Variants in MAP2K1 observed in about 807,000 individuals in gnomAD.
MAP2K1 encodes dual specificity mitogen-activated protein kinase kinase 1.
In MAP2K1, 16 loss-of-function variants were observed where a neutral mutation model predicts 46.3. That is an observed-to-expected ratio of 0.35 (90% CI 0.23 to 0.52). The LOEUF (loss-of-function observed/expected upper bound fraction) is 0.52. Among genes scored for constraint, MAP2K1 ranks in the 20% least tolerant of loss-of-function variants. MAP2K1 has a pLI of 0.94. For missense variants in MAP2K1, 263 were observed against 497.1 expected, an observed-to-expected ratio of 0.53 and a Z score of 4.48; for synonymous variants, 183 against 185.6, an observed-to-expected ratio of 0.99 and a Z score of 0.11.
At position 66,428,271 on chromosome 15, in the gene MAP2K1, C is replaced by CGTGTGT. The variant is rs67373670; in HGVS notation, c.81-6707_81-6702dup. Among the ~76,000 whole-genome samples, 714 of 122,358 alleles carry CGTGTGT rather than the reference C, an allele frequency of 5.8e-3. 9 individuals carry two copies. The highest frequency in any genetic ancestry group is 6.2e-3 in the Non-Finnish European group (366 of 59,072). The allele number at this position is 122,358 out of a possible 152,430, so 80.3% of individuals were successfully genotyped here. A position where few individuals can be genotyped will look rare whatever the true frequency, so the allele number is the denominator to read the frequency against. ...AGAAACAGAACCAACAGCAGTTGTG[C>CGTGTGT]GTGTGTGTGTGTGTGTGTGTGTGTG... On this transcript the variant is annotated intron_variant, in intron 1 of 10. Coordinates refer to ENST00000307102, the MANE Select transcript of MAP2K1 (RefSeq NM_002755.4).
chr15:66,481,922 A>G (rs978854106), intron 6 of MAP2K1, 43 bp downstream of exon 6: 6 of 1,603,452 alleles, frequency 3.7e-6, no homozygotes, highest in Non-Finnish European at 1.7e-6. Context: ...TTGTACGGTC[A>G]GGGAGAGGAG....
intron 1 of MAP2K1, among the ~76,000 whole-genome samples, chr15:66,430,499 ATATCACCCCCCTACCTCC>A (rs1285785994): frequency 1.3e-5 from 2 of 151,940 alleles, no homozygotes; most frequent in South Asian, 2.1e-4. Flanking sequence ...CTTTTTCTGG[ATATCACCCCCCTACCTCC>A]TCCTGTCATT....
intron 5 of MAP2K1, among the ~76,000 whole-genome samples, chr15:66,462,635 T>C (rs1027098343): frequency 6.6e-6 from 1 of 150,924 alleles, no homozygotes; most frequent in East Asian, 1.9e-4. Context: ...GAAAATAGCA[T>C]ATGTACTGAC....
At chr15:66,468,119 T>C (rs1285296533) in intron 5 of MAP2K1, among the ~76,000 whole-genome samples, 1 of 152,242 alleles carries the variant, frequency 6.6e-6, no homozygotes, top group African/African-American at 2.4e-5. Flanking sequence ...TCTGATAAGG[T>C]ATTTGATTTG....
At chr15:66,434,022 TACC>T (rs1567008599) in intron 1 of MAP2K1, among the ~76,000 whole-genome samples, 1 of 152,268 alleles carries the variant, frequency 6.6e-6, no homozygotes. Context: ...ATTATGTGCT[TACC>T]AAGAGCCAGC....
At chr15:66,467,808 G>C (rs1224363782) in intron 5 of MAP2K1, among the ~76,000 whole-genome samples, 1 of 152,190 alleles carries the variant, frequency 6.6e-6, no homozygotes, top group African/African-American at 2.4e-5. Context: ...TGATCTGCCT[G>C]CCTTGGCCTC....
intron 1 of MAP2K1, among the ~76,000 whole-genome samples, chr15:66,420,904 CAT>C (rs1567003353): frequency 4.0e-5 from 5 of 125,736 alleles, no homozygotes; most frequent in East Asian, 2.7e-4. Context: ...CACATACATA[CAT>C]ACACACACAT....
intron 1 of MAP2K1, chr15:66,401,887 C>T: frequency 2.2e-6 from 2 of 890,552 alleles, no homozygotes; most frequent in Non-Finnish European, 3.3e-6. Context: ...GCAGAGAAGC[C>T]AGCAAGTAGT....
At chr15:66,438,630 C>T (rs768323818) in intron 3 of MAP2K1, among the ~76,000 whole-genome samples, 8 of 152,180 alleles carry the variant, frequency 5.3e-5, no homozygotes, top group African/African-American at 7.2e-5. Flanking sequence ...ATTCTCTTAG[C>T]CCATTTCCAG....
chr15:66,476,906 C>T (rs1030710635), intron 5 of MAP2K1, among the ~76,000 whole-genome samples: 6 of 152,154 alleles, frequency 3.9e-5, no homozygotes, highest in Non-Finnish European at 7.3e-5. Flanking sequence ...TTTCTGTCCC[C>T]AGAGAAGAGC....
At position 66,487,142 on chromosome 15, in the gene MAP2K1, C is replaced by T; in HGVS notation, c.896-86C>T. 10 of 1,105,030 alleles carry T rather than the reference C, an allele frequency of 9.0e-6. 1 individual carries two copies. The South Asian group carries it at 1.0e-4, about 11-fold the overall frequency. The allele number at this position is 1,105,030 out of a possible 1,614,324, so 68.5% of individuals were successfully genotyped here. On this transcript the variant is annotated intron_variant, in intron 7 of 10. Transcript: ENST00000307102. ...TTATTGTCCATGACCCTGTTCTGGT[C>T]CCAGGGATCCATGCCCAACCCCTTG... is the stretch of plus-strand genomic sequence containing the variant.
chr15:66,416,317 T>G (rs937827532), intron 1 of MAP2K1, among the ~76,000 whole-genome samples: 2 of 152,214 alleles, frequency 1.3e-5, no homozygotes, highest in Non-Finnish European at 1.5e-5. Flanking sequence ...TTTCCTATGT[T>G]TGGCTTACAT....
chr15:66,439,538 G>T (rs111513849), intron 3 of MAP2K1, among the ~76,000 whole-genome samples: 1 of 152,120 alleles, frequency 6.6e-6, no homozygotes, highest in Admixed American at 6.6e-5. Context: ...AGGCTAAGGC[G>T]GGCAGATCAC....
At chr15:66,421,972 C>T (rs1315544921) in intron 1 of MAP2K1, among the ~76,000 whole-genome samples, 1 of 151,374 alleles carries the variant, frequency 6.6e-6, no homozygotes, top group Non-Finnish European at 1.5e-5. Context: ...AGCATATCCT[C>T]AACTACACAG....
At chr15:66,468,703 T>TA (rs1892529678) in intron 5 of MAP2K1, among the ~76,000 whole-genome samples, 1 of 150,908 alleles carries the variant, frequency 6.6e-6, no homozygotes, top group South Asian at 2.1e-4. Flanking sequence ...GAGGCCGAGG[T>TA]GGGCGGATCA....
rs16949939 is a variant in MAP2K1 at position 66,436,912 on chromosome 15, C to T, written c.438+20C>T. ...CACATGGTATGTGACACCCTCTCAG[C>T]CTCTGGAGCAATGGCCTTAAGAGTT... On this transcript the variant is annotated intron_variant, in intron 3 of 10. Coordinates refer to ENST00000307102, the MANE Select transcript of MAP2K1 (RefSeq NM_002755.4). The T allele has an allele frequency of 0.024, 38,753 of 1,613,606 alleles. 665 individuals are homozygous for T. The highest frequency in any genetic ancestry group is 0.064 in the South Asian group (5,808 of 91,076).
intron 1 of MAP2K1, among the ~76,000 whole-genome samples, chr15:66,387,689 T>C (rs935179811): frequency 6.6e-5 from 10 of 152,194 alleles, no homozygotes; most frequent in Admixed American, 6.5e-4. Flanking sequence ...CACTGTACAG[T>C]CTTCTCCCAA....
intron 5 of MAP2K1, among the ~76,000 whole-genome samples, chr15:66,469,688 T>C (rs1161513216): frequency 7.6e-5 from 2 of 26,176 alleles, no homozygotes; most frequent in Non-Finnish European, 1.7e-4. Flanking sequence ...TAAAATCCTT[T>C]TAAAGACACA....
chr15:66,473,547 T>C (rs1336483774), intron 5 of MAP2K1, among the ~76,000 whole-genome samples: 1 of 152,188 alleles, frequency 6.6e-6, no homozygotes, highest in Non-Finnish European at 1.5e-5. Flanking sequence ...TGTCAGGGAA[T>C]CTGGGATTCA....
Sources: gnomAD v4.1 joint callset for allele counts (sites outside exome capture counted in the v4.1 genomes callset) on GRCh38, gnomAD v4.1.1 for gene constraint, MANE v1.5 for transcripts, NCBI Gene and HGNC (gene_info 2026-07-23, HGNC 2026-07-21) for gene names.